Variants in CSMD1 observed in about 807,000 individuals in gnomAD.
CSMD1 encodes CUB and sushi domain-containing protein 1.
Under a neutral mutation model 417.5 loss-of-function variants are expected in CSMD1, and 213 were observed. That is an observed-to-expected ratio of 0.51 (90% CI 0.46 to 0.57). The LOEUF (loss-of-function observed/expected upper bound fraction) is 0.57. Ranked by LOEUF, CSMD1 falls within the 20% of genes least tolerant of loss-of-function variation. CSMD1 has a pLI of 0.00. For synonymous variants in CSMD1, 2,862 were observed against 1,736.8 expected (o/e 1.65, Z -16.11); for missense variants, 6,923 against 4,529.7 (o/e 1.53, Z -15.17).
chr8:3,546,467 C>G (rs1036669989), intron 10 of CSMD1, among the ~76,000 whole-genome samples: 3 of 151,298 alleles, frequency 2.0e-5, no homozygotes, highest in African/African-American at 7.3e-5. Context: ...ACCAGGGAGT[C>G]GGAGCTTGTG....
chr8:4,432,182 G>A (rs780357050), intron 2 of CSMD1, among the ~76,000 whole-genome samples: 16 of 152,102 alleles, frequency 1.1e-4, no homozygotes, highest in Admixed American at 5.9e-4. Context: ...ATTATATTGC[G>A]AAGTTTGAAA....
In CSMD1 at chr8:2,998,234, C is replaced by G. The variant is rs758761542; in HGVS notation, c.8204-50G>C. On this transcript the variant is annotated intron_variant, in intron 53 of 69. Transcript: ENST00000635120. ...TTGTTAAATATTGAACAGGTCATCA[C>G]TTTCCCTTGGGATTATTAATAAGAA... The G allele has an allele frequency of 3.2e-6, 5 of 1,575,188 alleles. No individual in the cohort carries two copies. The African/African-American group carries it at 5.4e-5, about 17-fold the overall frequency.
chr8:3,429,188 A>G (rs748062709), intron 12 of CSMD1, among the ~76,000 whole-genome samples: 2 of 152,074 alleles, frequency 1.3e-5, no homozygotes, highest in African/African-American at 4.8e-5. Flanking sequence ...GAGGATTTTC[A>G]ATGTTTTTAC....
At chr8:4,247,391 T>C (rs1423155663) in intron 3 of CSMD1, among the ~76,000 whole-genome samples, 1 of 152,170 alleles carries the variant, frequency 6.6e-6, no homozygotes, top group Non-Finnish European at 1.5e-5. Context: ...AGTTGTAGAA[T>C]TGGTTGCATC....
intron 3 of CSMD1, among the ~76,000 whole-genome samples, chr8:4,147,584 C>G (rs889960231): frequency 1.1e-4 from 16 of 152,126 alleles, no homozygotes; most frequent in African/African-American, 3.9e-4. Flanking sequence ...GATAATGACC[C>G]TAATAAATAA....
intron 3 of CSMD1, among the ~76,000 whole-genome samples, chr8:4,341,034 T>C (rs1800448225): frequency 6.6e-6 from 1 of 152,044 alleles, no homozygotes; most frequent in Non-Finnish European, 1.5e-5. Flanking sequence ...TATTCAACTT[T>C]AGAATCTATA....
chr8:4,063,671 C>T (rs1268562524), intron 3 of CSMD1, among the ~76,000 whole-genome samples: 1 of 152,142 alleles, frequency 6.6e-6, no homozygotes, highest in Admixed American at 6.5e-5. Context: ...GGCATTCTAC[C>T]AGGAAGGATA....
At chr8:4,204,950 G>A (rs565581749) in intron 3 of CSMD1, among the ~76,000 whole-genome samples, 3 of 152,240 alleles carry the variant, frequency 2.0e-5, no homozygotes, top group Middle Eastern at 3.4e-3. Flanking sequence ...GTGAGCCACT[G>A]AATCTGGCCT....
At chr8:4,726,350 T>C (rs1028411026) in intron 1 of CSMD1, among the ~76,000 whole-genome samples, 5 of 152,032 alleles carry the variant, frequency 3.3e-5, no homozygotes, top group African/African-American at 4.8e-5. Context: ...TCCTGAAAGA[T>C]AGTTATTATC....
At chr8:4,776,223 A>C (rs1796845414) in intron 1 of CSMD1, among the ~76,000 whole-genome samples, 1 of 152,086 alleles carries the variant, frequency 6.6e-6, no homozygotes, top group Non-Finnish European at 1.5e-5. Context: ...TATTTTCACA[A>C]AGGCCTAAAT....
chr8:3,445,616 A>T (rs1056376260), intron 12 of CSMD1, among the ~76,000 whole-genome samples: 2 of 152,150 alleles, frequency 1.3e-5, no homozygotes, highest in Admixed American at 6.5e-5. Flanking sequence ...GAAGGCCAGA[A>T]GAGAGGCCAT....
At chr8:3,440,680 C>G (rs1814917357) in intron 12 of CSMD1, among the ~76,000 whole-genome samples, 1 of 152,188 alleles carries the variant, frequency 6.6e-6, no homozygotes, top group South Asian at 2.1e-4. Flanking sequence ...GCTTCCAGCA[C>G]TATACTGAAT....
intron 5 of CSMD1, among the ~76,000 whole-genome samples, chr8:3,900,415 CT>C: frequency 6.6e-6 from 1 of 151,948 alleles, no homozygotes; most frequent in Admixed American, 6.5e-5. Context: ...GACAGGGCAG[CT>C]GGGTGACAGT....
chr8:3,201,774 A>C, intron 31 of CSMD1, 49 bp from the exon 32 acceptor site: 1 of 1,129,222 alleles, frequency 8.9e-7, no homozygotes, highest in South Asian at 1.4e-5. Context: ...TAAGAAAACA[A>C]AATGGAGATT....
chr8:3,846,706 G>A (rs996711631), intron 5 of CSMD1, among the ~76,000 whole-genome samples: 1 of 152,094 alleles, frequency 6.6e-6, no homozygotes, highest in African/African-American at 2.4e-5. Flanking sequence ...CGCCCAGGCT[G>A]GAGTGCAGTG....
intron 1 of CSMD1, among the ~76,000 whole-genome samples, chr8:4,681,237 C>T (rs1439788721): frequency 6.6e-6 from 1 of 151,890 alleles, no homozygotes; most frequent in Non-Finnish European, 1.5e-5. Context: ...AAAATAAGAC[C>T]CTAGATATCG....
At chr8:4,538,910 A>C (rs1797242707) in intron 2 of CSMD1, among the ~76,000 whole-genome samples, 4 of 152,164 alleles carry the variant, frequency 2.6e-5, no homozygotes, top group Admixed American at 2.0e-4. Flanking sequence ...GAATCTTTGA[A>C]TCTAAAAGCC....
chr8:3,194,440 A>ATTTTATTTTATTTTATTTTC (rs1796589357), intron 33 of CSMD1, among the ~76,000 whole-genome samples: 1 of 148,562 alleles, frequency 6.7e-6, no homozygotes, highest in Middle Eastern at 3.2e-3. Context: ...ATTTTATTTT[A>ATTTTATTTTATTTTATTTTC]TTTTATTTTA....
At chr8:4,930,050 G>A (rs1807142756) in intron 1 of CSMD1, among the ~76,000 whole-genome samples, 1 of 152,124 alleles carries the variant, frequency 6.6e-6, no homozygotes, top group Non-Finnish European at 1.5e-5. Flanking sequence ...CGGTGCAGAA[G>A]CAAACCCCAC....
Sources: allele counts gnomAD v4.1 joint callset (sites outside exome capture counted in the v4.1 genomes callset), GRCh38; gene constraint gnomAD v4.1.1; transcripts MANE v1.5; gene names NCBI Gene and HGNC (gene_info 2026-07-23, HGNC 2026-07-21).